C2CD2: variants seen among roughly 807,000 people sequenced by gnomAD.
C2CD2 encodes C2 domain-containing protein 2.
A neutral mutation model predicts 74.3 loss-of-function variants in C2CD2; 43 were observed. That is an observed-to-expected ratio of 0.58 (90% CI 0.45 to 0.75). The LOEUF (loss-of-function observed/expected upper bound fraction) is 0.75, where lower values mean the gene tolerates loss of function less well. Ranked by LOEUF, C2CD2 falls within the 30% of genes least tolerant of loss-of-function variation. The pLI, the probability that C2CD2 is intolerant of heterozygous loss-of-function variation, is 0.00. For synonymous variants in C2CD2, 422 were observed against 390.7 expected, an observed-to-expected ratio of 1.08 and a Z score of -0.94; for missense variants, 801 against 916.3, an observed-to-expected ratio of 0.87 and a Z score of 1.63.
chr21:41,922,119 T>A lies in C2CD2; in HGVS notation c.379-34A>T, dbSNP rs2065160983. On this transcript the variant is annotated intron_variant, in intron 2 of 13. Coordinates refer to ENST00000380486, the MANE Select transcript of C2CD2 (RefSeq NM_015500.2). ...GGCACAGGTAAGGGAGAAAACTGTATCCAAAACAAAGGACAGCGCGTGCAT... is the reference window on the plus strand; with the variant it reads ...GGCACAGGTAAGGGAGAAAACTGTAACCAAAACAAAGGACAGCGCGTGCAT... 3 of 1,318,874 alleles carry A rather than the reference T, an allele frequency of 2.3e-6. 1 individual carries two copies. The South Asian group carries it at 3.6e-5, about 16-fold the overall frequency. The allele number at this position is 1,318,874 out of a possible 1,614,324, so 81.7% of individuals were successfully genotyped here.
At chr21:41,896,707 CAAAAAAA>C (rs71332341) in intron 13 of C2CD2, among the ~76,000 whole-genome samples, 4 of 73,704 alleles carry the variant, frequency 5.4e-5, no homozygotes, top group South Asian at 5.9e-4. Flanking sequence ...GTTCTTAAAC[CAAAAAAA>C]AAAAAAAAAA....
rs544545844 is a variant in C2CD2 at position 41,937,231 on chromosome 21, C to T, written c.378+4916G>A. On this transcript the variant is annotated intron_variant, in intron 2 of 13. Transcript: ENST00000380486. ...CTCCCAGGTTCAAGCAATTCTCTGC[C>T]TCAGCCTCCTGAGTAGCTGGGATTA... Among the ~76,000 whole-genome samples, 21 of 152,198 alleles carry T rather than the reference C, an allele frequency of 1.4e-4. No homozygotes were observed. The South Asian group carries it at 4.3e-3, about 32-fold the overall frequency.
chr21:41,916,664 T>TAC (rs10580778), intron 5 of C2CD2, among the ~76,000 whole-genome samples: 3,597 of 144,702 alleles, frequency 0.025, 59 homozygotes, highest in Middle Eastern at 0.045. Context: ...GTGAGCTGAT[T>TAC]ACACACACAC....
chr21:41,937,226 T>C (rs2065316519), intron 2 of C2CD2, among the ~76,000 whole-genome samples: 1 of 148,920 alleles, frequency 6.7e-6, no homozygotes, highest in Non-Finnish European at 1.5e-5. Context: ...CAAGCAATTC[T>C]CTGCCTCAGC....
At chr21:41,917,600 C>T (rs2065107073) in intron 5 of C2CD2, among the ~76,000 whole-genome samples, 1 of 152,108 alleles carries the variant, frequency 6.6e-6, no homozygotes, top group African/African-American at 2.4e-5. Flanking sequence ...AATAGGGGGG[C>T]TCCAGCATGA....
intron 2 of C2CD2, among the ~76,000 whole-genome samples, chr21:41,930,618 C>T (rs1362965436): frequency 6.7e-6 from 1 of 149,560 alleles, no homozygotes; most frequent in African/African-American, 2.4e-5. Flanking sequence ...AGGAGAGTCA[C>T]TTGAACCCGG....
At chr21:41,950,619 T>G (rs2065442471) in intron 1 of C2CD2, among the ~76,000 whole-genome samples, 1 of 152,134 alleles carries the variant, frequency 6.6e-6, no homozygotes, top group African/African-American at 2.4e-5. Context: ...AAGGAAACAT[T>G]TAGGTCTCCA....
Position 41,953,420 on chromosome 21 carries a change from A to G in C2CD2, c.229T>C (p.Trp77Arg). The G allele has an allele frequency of 6.9e-7, 1 of 1,439,816 alleles. No individual in the cohort carries two copies. Among genetic ancestry groups the G allele is most frequent in the Non-Finnish European group, 9.2e-7 (1 of 1,090,476 alleles). The allele number at this position is 1,439,816 out of a possible 1,614,324, so 89.2% of individuals were successfully genotyped here. ...AGGGCGGTCACCCAGGCCGCCTGCCACTGGCTCCTCCAGCTGCCCAGCGTC... is the reference window on the plus strand; with the variant it reads ...AGGGCGGTCACCCAGGCCGCCTGCCGCTGGCTCCTCCAGCTGCCCAGCGTC... ...ILTLGSWRSQ[W>R]QAAWVTALNE... Residue 77 changes from tryptophan to arginine, a missense_variant, in exon 1 of 14, where the codon TGG (tryptophan) becomes CGG (arginine). Physicochemically the swap from Trp to Arg is moderately radical, Grantham distance 101. Coordinates refer to ENST00000380486, the MANE Select transcript of C2CD2 (RefSeq NM_015500.2).
chr21:41,933,739 C>T (rs2065282864), intron 2 of C2CD2, among the ~76,000 whole-genome samples: 4 of 152,192 alleles, frequency 2.6e-5, no homozygotes, highest in Admixed American at 1.3e-4. Flanking sequence ...GCAAGAGCGA[C>T]CAGGCTCCTC....
In C2CD2 at chr21:41,918,848, G is replaced by A. The variant is rs759576128; in HGVS notation, c.597+8C>T. 9.3e-6 allele frequency: 15 copies of A among 1,607,278 alleles called. No homozygotes were observed. Among genetic ancestry groups the A allele is most frequent in the Admixed American group, 5.0e-5 (3 of 59,978 alleles). The stretch of plus-strand genomic sequence containing the variant: ...CAATGGAAGAATCATAAAAACTTAC[G>A]GACTGACCTCCCCCAGTGCTTTGGG... On this transcript the variant is annotated splice_region_variant and intron_variant, in intron 4 of 13. Transcript: ENST00000380486.
chr21:41,894,460 T>A (rs971527266), intron 13 of C2CD2: 1 of 362,434 alleles, frequency 2.8e-6, no homozygotes, highest in African/African-American at 2.1e-5. Context: ...GAAGTCCATG[T>A]TCCCAGGCCC....
At chr21:41,933,737 G>T (rs558744911) in intron 2 of C2CD2, among the ~76,000 whole-genome samples, 1 of 152,166 alleles carries the variant, frequency 6.6e-6, no homozygotes, top group Non-Finnish European at 1.5e-5. Context: ...TGGCAAGAGC[G>T]ACCAGGCTCC....
intron 4 of C2CD2, 48 bp from the exon 5 acceptor site, chr21:41,918,275 C>T (rs1342751829): frequency 1.2e-6 from 2 of 1,601,806 alleles, no homozygotes; most frequent in Non-Finnish European, 1.7e-6. Context: ...AAGCCCACTC[C>T]CTGCTCCCAA....
At position 41,886,708 on chromosome 21, in the gene C2CD2, G is replaced by C. The variant is rs550367186; in HGVS notation, c.*2416C>G. 3.3e-5 allele frequency: 5 copies of C among 151,926 alleles called. No individual in the cohort carries two copies. The highest frequency in any genetic ancestry group is 7.4e-5 in the Non-Finnish European group (5 of 68,008). 9.4% of individuals were successfully genotyped at this position (151,926 alleles called of 1,614,324 possible). A position where few individuals can be genotyped will look rare whatever the true frequency, so the allele number is the denominator to read the frequency against. ...AGGCTTAATATAAAATCCTGGGGCC[G>C]GCCTGGTGGCTCATGCCTATAATCC... On this transcript the variant is annotated 3_prime_UTR_variant, in exon 14 of 14. Transcript: ENST00000380486.
chr21:41,902,105 G>C (rs2064906617), intron 11 of C2CD2, among the ~76,000 whole-genome samples: 1 of 152,218 alleles, frequency 6.6e-6, no homozygotes, highest in South Asian at 2.1e-4. Context: ...GATACTCACT[G>C]AAGTGTCTGC....
chr21:41,914,847 G>T lies in C2CD2; in HGVS notation c.721-126C>A, dbSNP rs928890046. 9.6e-6 allele frequency: 7 copies of T among 725,772 alleles called. No individual in the cohort carries two copies. The African/African-American group carries it at 1.1e-4, about 11-fold the overall frequency. The allele number at this position is 725,772 out of a possible 1,614,324, so 45.0% of individuals were successfully genotyped here. On this transcript the variant is annotated intron_variant, in intron 5 of 13. Coordinates refer to ENST00000380486, the MANE Select transcript of C2CD2 (RefSeq NM_015500.2). ...GTGTCTACAGGAAAACCTGCACAGG[G>T]AGCCCGAGCTCTGGGATCTGCTCTG...
chr21:41,950,352 G>C (rs1304176834), intron 1 of C2CD2, among the ~76,000 whole-genome samples: 2 of 152,158 alleles, frequency 1.3e-5, no homozygotes, highest in Non-Finnish European at 2.9e-5. Context: ...CTGGCCAGCA[G>C]GCAGATCAGC....
In C2CD2 at chr21:41,889,189, T is replaced by C. The variant is rs962242190; in HGVS notation, c.2026A>G (p.Lys676Glu). The stretch of plus-strand genomic sequence containing the variant: ...TTGTTTCTGTGCCTGGAGAGCAGCT[T>C]CTTGTTCAGGATCCTGGTGAGGGTG... ...GITLTRILNKKLLSRHRNKNT... is the reference protein window; with the variant it reads ...GITLTRILNKELLSRHRNKNT... Residue 676 changes from lysine to glutamate, a missense_variant, in exon 14 of 14, where the codon AAG becomes GAG. Transcript: ENST00000380486. 19 of 1,613,064 alleles carry C rather than the reference T, an allele frequency of 1.2e-5. No individual in the cohort carries two copies. The highest frequency in any genetic ancestry group is 2.2e-5 in the East Asian group (1 of 44,886).
chr21:41,916,428 C>CCTCTT (rs55974449), intron 5 of C2CD2, among the ~76,000 whole-genome samples: 50,679 of 151,612 alleles, frequency 0.33, 8,632 homozygotes, highest in African/African-American at 0.39. Flanking sequence ...AAAGGAAACT[C>CCTCTT]CTTCACTGCT....
Sources: allele counts gnomAD v4.1 joint callset (sites outside exome capture counted in the v4.1 genomes callset), GRCh38; gene constraint gnomAD v4.1.1; transcripts MANE v1.5; gene names NCBI Gene and HGNC (gene_info 2026-07-23, HGNC 2026-07-21).